DYNC2LI1: variants seen among roughly 807,000 people sequenced by gnomAD.
DYNC2LI1 encodes cytoplasmic dynein 2 light intermediate chain 1.
A neutral mutation model predicts 51.9 loss-of-function variants in DYNC2LI1; 45 were observed. That is an observed-to-expected ratio of 0.87 (90% CI 0.68 to 1.11). DYNC2LI1 has a LOEUF of 1.11. Among genes scored for constraint, DYNC2LI1 ranks in the 50% most tolerant of loss-of-function variants. The probability of loss-of-function intolerance (pLI) is 0.00; values close to 1 mark genes in which losing one functional copy is unlikely to be tolerated. For missense variants in DYNC2LI1, 490 were observed against 417.4 expected, an observed-to-expected ratio of 1.17 and a Z score of -1.51; for synonymous variants, 130 against 137.8, an observed-to-expected ratio of 0.94 and a Z score of 0.40.
At position 43,800,938 on chromosome 2, in the gene DYNC2LI1, A is replaced by G. The variant is rs572847560; in HGVS notation, c.731+21A>G. 53 of 1,500,304 alleles carry G rather than the reference A, an allele frequency of 3.5e-5. 1 individual carries two copies. The Middle Eastern group carries it at 8.7e-4, about 24-fold the overall frequency. 92.9% of individuals were successfully genotyped at this position (1,500,304 alleles called of 1,614,324 possible). ...AAAAGGTACTGCTAAGATATTTTTT[A>G]TATCATTTATTGAGTGATTGATTTA... is the stretch of plus-strand genomic sequence containing the variant. On this transcript the variant is annotated intron_variant, in intron 9 of 12. Coordinates refer to ENST00000260605, the MANE Select transcript of DYNC2LI1 (RefSeq NM_016008.4).
At chr2:43,795,054 C>T in intron 6 of DYNC2LI1, 1 of 1,037,558 alleles carries the variant, frequency 9.6e-7, no homozygotes, top group South Asian at 4.4e-5. Context: ...CTGTATTTTA[C>T]ATTCATTTCG....
chr2:43,777,775 T>G (rs1488171795), intron 2 of DYNC2LI1, among the ~76,000 whole-genome samples: 1 of 152,210 alleles, frequency 6.6e-6, no homozygotes. Flanking sequence ...GAAGGCCCTC[T>G]CTGCACAACC....
At chr2:43,823,901 G>T in the DYNC2LI1 span, 1 of 1,613,042 alleles carries the variant, frequency 6.2e-7, no homozygotes, top group Non-Finnish European at 8.5e-7. Context: ...CCTCCAGCAC[G>T]TGGGCACTTA....
At chr2:43,814,331 A>C, downstream of DYNC2LI1, 1 of 633,024 alleles carries the variant, frequency 1.6e-6, no homozygotes, top group Non-Finnish European at 2.8e-6. Context: ...CTTAAAAATC[A>C]GAGAAAATGT....
the DYNC2LI1 span, chr2:43,822,410 C>CTCT: frequency 1.6e-6 from 1 of 634,208 alleles, no homozygotes; most frequent in African/African-American, 2.0e-5. Context: ...GGTTGCTGTC[C>CTCT]TCTTCCCACC....
intron 3 of DYNC2LI1, among the ~76,000 whole-genome samples, chr2:43,784,670 G>C (rs1673439708): frequency 6.6e-6 from 1 of 152,080 alleles, no homozygotes; most frequent in Non-Finnish European, 1.5e-5. Flanking sequence ...ACGATGTCAG[G>C]TGATCCGCCT....
the DYNC2LI1 span, among the ~76,000 whole-genome samples, chr2:43,818,933 G>A: frequency 1.3e-4 from 20 of 152,258 alleles, no homozygotes; most frequent in African/African-American, 4.3e-4. Context: ...AGTGGTAGAG[G>A]AAGTTTCTGA....
chr2:43,823,169 T>C, the DYNC2LI1 span, among the ~76,000 whole-genome samples: 6 of 152,132 alleles, frequency 3.9e-5, no homozygotes, highest in Admixed American at 3.3e-4. Context: ...TTTATTTCCT[T>C]CTCTCTAAAG....
At chr2:43,798,155 G>C (rs1483193060) in intron 8 of DYNC2LI1, among the ~76,000 whole-genome samples, 1 of 151,970 alleles carries the variant, frequency 6.6e-6, no homozygotes. Context: ...ATTATTTAAT[G>C]GTCTCTTTTT....
In DYNC2LI1 at chr2:43,796,700, A is replaced by G. The variant is rs1674052823; in HGVS notation, c.577-18A>G. On this transcript the variant is annotated intron_variant, in intron 7 of 12. Coordinates refer to ENST00000260605, the MANE Select transcript of DYNC2LI1 (RefSeq NM_016008.4). ...ATATTTGGTTATCTTGACTTTTTAA[A>G]ATAACATATTTCTACAGGATTTTGA... 6.3e-7 allele frequency: 1 copy of G among 1,583,882 alleles called. No homozygotes were observed. Among genetic ancestry groups the G allele is most frequent in the East Asian group, 2.2e-5 (1 of 44,726 alleles).
intron 8 of DYNC2LI1, among the ~76,000 whole-genome samples, chr2:43,797,196 A>G (rs918153602): frequency 3.9e-5 from 6 of 152,186 alleles, no homozygotes; most frequent in Non-Finnish European, 7.3e-5. Context: ...TTTGTTGTAA[A>G]AGTTAAAAAC....
At chr2:43,775,692 CTTT>C (rs540756527) in intron 1 of DYNC2LI1, 179 of 324,956 alleles carry the variant, frequency 5.5e-4, no homozygotes, top group Admixed American at 7.4e-4. Flanking sequence ...TTTTTATTTT[CTTT>C]TTTTTTTTTT....
At chr2:43,810,608 G>A (rs1003485460), downstream of DYNC2LI1, 18 of 796,130 alleles carry the variant, frequency 2.3e-5, no homozygotes, top group Non-Finnish European at 2.7e-5. Flanking sequence ...CCCAGCTTCA[G>A]ATAAGCACAT....
downstream of DYNC2LI1, chr2:43,810,411 C>T: frequency 1.4e-5 from 14 of 985,350 alleles, no homozygotes; most frequent in Non-Finnish European, 1.7e-5. Flanking sequence ...TATCAAGAAG[C>T]AGGACAAAAC....
intron 6 of DYNC2LI1, 110 bp from the exon 7 acceptor site, chr2:43,795,780 A>T (rs1218608007): frequency 1.3e-6 from 1 of 778,172 alleles, no homozygotes; most frequent in East Asian, 2.6e-5. Context: ...CAAATTAAGT[A>T]AACATCTATG....
chr2:43,811,169 C>G (rs1029049045), downstream of DYNC2LI1, among the ~76,000 whole-genome samples: 3 of 152,158 alleles, frequency 2.0e-5, no homozygotes, highest in Non-Finnish European at 4.4e-5. Context: ...CTGTGGGACT[C>G]TCTTTGAACT....
intron 9 of DYNC2LI1, 34 bp downstream of exon 9, chr2:43,800,951 A>T (rs1310066175): frequency 7.0e-7 from 1 of 1,420,322 alleles, no homozygotes; most frequent in East Asian, 2.3e-5. Flanking sequence ...TCATTTATTG[A>T]GTGATTGATT....
chr2:43,818,844 C>T, the DYNC2LI1 span, among the ~76,000 whole-genome samples: 50 of 152,088 alleles, frequency 3.3e-4, no homozygotes, highest in Middle Eastern at 6.8e-3. Context: ...TCTCATGATC[C>T]CTTGAGGCAG....
chr2:43,795,040 C>G (rs1673969077), intron 6 of DYNC2LI1: 1 of 1,064,712 alleles, frequency 9.4e-7, no homozygotes, highest in Non-Finnish European at 1.1e-6. Context: ...CCTTCACCAT[C>G]ACTCTGTATT....
Sources: allele counts gnomAD v4.1 joint callset (sites outside exome capture counted in the v4.1 genomes callset), GRCh38; gene constraint gnomAD v4.1.1; transcripts MANE v1.5; gene names NCBI Gene and HGNC (gene_info 2026-07-23, HGNC 2026-07-21).